CHSY1: variants seen among roughly 807,000 people sequenced by gnomAD.
CHSY1 encodes the protein N-acetylgalactosaminyl-proteoglycan 3-beta-glucuronosyltransferase 1.
CHSY1 carries 13 observed loss-of-function variants against 59.8 expected under a neutral mutation model. That is an observed-to-expected ratio of 0.22 (90% CI 0.14 to 0.35). The LOEUF (loss-of-function observed/expected upper bound fraction) is 0.35. CHSY1 is among the 10% of genes least tolerant of loss of function. The probability of loss-of-function intolerance (pLI) is 1.00; values close to 1 mark genes in which losing one functional copy is unlikely to be tolerated. For missense variants in CHSY1, 947 were observed against 1,030.6 expected, an observed-to-expected ratio of 0.92 and a Z score of 1.11; for synonymous variants, 459 against 401.2, an observed-to-expected ratio of 1.14 and a Z score of -1.72.
At chr15:101,243,118 C>A (rs1227619142) in intron 1 of CHSY1, among the ~76,000 whole-genome samples, 2 of 152,130 alleles carry the variant, frequency 1.3e-5, no homozygotes, top group Non-Finnish European at 2.9e-5. Flanking sequence ...GGGCACAAGC[C>A]CAGACGGCAT....
intron 2 of CHSY1, among the ~76,000 whole-genome samples, chr15:101,198,248 C>T (rs931039613): frequency 6.6e-5 from 10 of 152,072 alleles, no homozygotes; most frequent in South Asian, 2.1e-4. Flanking sequence ...CGCTACTGAC[C>T]GGTGAAGGAC....
chr15:101,183,975 G>A (rs977346301), intron 2 of CHSY1, among the ~76,000 whole-genome samples: 1 of 152,212 alleles, frequency 6.6e-6, no homozygotes, highest in African/African-American at 2.4e-5. Context: ...TATTTAAAGA[G>A]AAAATATATA....
In CHSY1 at chr15:101,177,781, T is replaced by C; in HGVS notation, c.2016A>G (p.Lys672=). ...AGGCAAAATGGTTGTCACTGGGAACTTTCCCACTATAAACAATCTTTGGGT... is the reference window on the plus strand; with the variant it reads ...AGGCAAAATGGTTGTCACTGGGAACCTTCCCACTATAAACAATCTTTGGGT... The part of the protein sequence containing the change: ...QYDPKIVYSG[K]VPSDNHFAFT... The change falls in exon 3 of 3, where the codon AAA becomes AAG. Residue 672 remains lysine, a synonymous_variant. Coordinates refer to ENST00000254190, the MANE Select transcript of CHSY1 (RefSeq NM_014918.5). 1 of 1,614,238 alleles carries C rather than the reference T, an allele frequency of 6.2e-7. No homozygotes were observed. The highest frequency in any genetic ancestry group is 1.1e-5 in the South Asian group (1 of 91,090).
At chr15:101,222,380 G>A (rs926001563) in intron 2 of CHSY1, among the ~76,000 whole-genome samples, 1 of 152,210 alleles carries the variant, frequency 6.6e-6, no homozygotes, top group African/African-American at 2.4e-5. Flanking sequence ...GAATTGTAAA[G>A]ATGGCAGAGA....
In CHSY1 at chr15:101,251,276, C is replaced by G; in HGVS notation, c.181G>C (p.Ala61Pro). 1 of 1,292,140 alleles carries G rather than the reference C, an allele frequency of 7.7e-7. No homozygotes were observed. The highest frequency in any genetic ancestry group is 3.3e-5 in the East Asian group (1 of 29,978). 80.0% of individuals were successfully genotyped at this position (1,292,140 alleles called of 1,614,324 possible). A position where few individuals can be genotyped will look rare whatever the true frequency, so the allele number is the denominator to read the frequency against. ...TGCGCCCCGCGCGCATCGCCGCGCG[C>G]CCCGCCGGCCTGGGAAGCCGCCGCC... is the stretch of plus-strand genomic sequence containing the variant. ...GQAAASQAGG[A>P]RGDARGAQLW... Residue 61 changes from alanine (A) to proline (P), a missense_variant, in exon 1 of 3, where the codon GCG becomes CCG. Around this residue, in one of 4 missense-constraint regions of CHSY1, gnomAD observed 232 missense variants for 188.5 expected, o/e 1.23. Transcript: ENST00000254190.
At chr15:101,233,441 C>A (rs948811436) in intron 2 of CHSY1, among the ~76,000 whole-genome samples, 6 of 152,228 alleles carry the variant, frequency 3.9e-5, no homozygotes, top group Non-Finnish European at 8.8e-5. Flanking sequence ...CCAAAATATA[C>A]AATGTGTTAC....
At chr15:101,237,262 G>A (rs1483686481) in intron 1 of CHSY1, among the ~76,000 whole-genome samples, 1 of 148,866 alleles carries the variant, frequency 6.7e-6, no homozygotes. Context: ...AGGCAAATGT[G>A]CAAGGCCTGG....
At chr15:101,223,080 GC>G (rs777905406) in intron 2 of CHSY1, among the ~76,000 whole-genome samples, 1 of 152,138 alleles carries the variant, frequency 6.6e-6, no homozygotes, top group Non-Finnish European at 1.5e-5. Flanking sequence ...TTCAACCTCT[GC>G]CCCCCAGGTT....
At chr15:101,210,055 T>C (rs1011611805) in intron 2 of CHSY1, among the ~76,000 whole-genome samples, 6 of 152,220 alleles carry the variant, frequency 3.9e-5, no homozygotes, top group African/African-American at 1.4e-4. Flanking sequence ...GCCTACTGAT[T>C]AACCTTGGTA....
At chr15:101,220,912 C>T (rs1567100722) in intron 2 of CHSY1, among the ~76,000 whole-genome samples, 3 of 152,184 alleles carry the variant, frequency 2.0e-5, no homozygotes, top group Admixed American at 2.0e-4. Flanking sequence ...GGACGAGCAG[C>T]CCCGTCCCTC....
intron 1 of CHSY1, among the ~76,000 whole-genome samples, chr15:101,246,463 A>G (rs1236861424): frequency 6.6e-6 from 1 of 152,078 alleles, no homozygotes; most frequent in East Asian, 1.9e-4. Context: ...AAGCAGATGA[A>G]TAACAAAGGG....
chr15:101,243,741 A>G (rs576203061), intron 1 of CHSY1, among the ~76,000 whole-genome samples: 2 of 152,374 alleles, frequency 1.3e-5, no homozygotes, highest in South Asian at 2.1e-4. Flanking sequence ...CTGCCGGTCA[A>G]GGACAACTTT....
chr15:101,206,996 G>A (rs1331621408), intron 2 of CHSY1, among the ~76,000 whole-genome samples: 3 of 152,174 alleles, frequency 2.0e-5, no homozygotes, highest in Non-Finnish European at 2.9e-5. Flanking sequence ...CCACTCTCGC[G>A]TGTCAGCACA....
Position 101,203,685 on chromosome 15 carries a change from T to C in CHSY1, c.817-24705A>G, listed in dbSNP as rs115829324. Among the ~76,000 whole-genome samples, 296 of 152,336 alleles carry C rather than the reference T, an allele frequency of 1.9e-3. 1 individual carries two copies. Among genetic ancestry groups the C allele is most frequent in the African/African-American group, 6.8e-3 (282 of 41,578 alleles). On this transcript the variant is annotated intron_variant, in intron 2 of 2. Transcript: ENST00000254190. Reference sequence around the variant, plus strand: ...GAGATCAAAGTTAACACTGCCTGTATGGATCATACACCGAAATCATGTGCT... The same window carrying C: ...GAGATCAAAGTTAACACTGCCTGTACGGATCATACACCGAAATCATGTGCT...
At chr15:101,194,889 C>A (rs2038487984) in intron 2 of CHSY1, among the ~76,000 whole-genome samples, 1 of 152,120 alleles carries the variant, frequency 6.6e-6, no homozygotes, top group African/African-American at 2.4e-5. Flanking sequence ...ACTTCTGATG[C>A]CAAGAAGATA....
intron 2 of CHSY1, among the ~76,000 whole-genome samples, chr15:101,201,929 A>C (rs147557236): frequency 1.5e-3 from 222 of 152,316 alleles, no homozygotes; most frequent in African/African-American, 5.1e-3. Context: ...CCAGCCAGGG[A>C]AGGGCCCACT....
intron 2 of CHSY1, among the ~76,000 whole-genome samples, chr15:101,196,518 T>C (rs540040547): frequency 6.6e-6 from 1 of 152,262 alleles, no homozygotes; most frequent in Admixed American, 6.5e-5. Flanking sequence ...ACTGTTATTA[T>C]CTTAGGGTAT....
rs2038199986 is a variant in CHSY1 at position 101,177,062 on chromosome 15, A to T, written c.*326T>A. 1 of 218,060 alleles carries T rather than the reference A, an allele frequency of 4.6e-6. No individual in the cohort carries two copies. The highest frequency in any genetic ancestry group is 2.3e-5 in the African/African-American group (1 of 43,356). The allele number at this position is 218,060 out of a possible 1,614,324, so 13.5% of individuals were successfully genotyped here. A position where few individuals can be genotyped will look rare whatever the true frequency, so the allele number is the denominator to read the frequency against. On this transcript the variant is annotated 3_prime_UTR_variant, in exon 3 of 3. Coordinates refer to ENST00000254190, the MANE Select transcript of CHSY1 (RefSeq NM_014918.5). ...AGTTACAGTGTTTTGTTACAATAAT[A>T]CTTTGCAGGAATGTTCACGTTTTCT...
chr15:101,235,656 T>C, intron 1 of CHSY1, 79 bp from the exon 2 acceptor site: 2 of 1,464,408 alleles, frequency 1.4e-6, no homozygotes, highest in Non-Finnish European at 1.9e-6. Flanking sequence ...CTGCTCATCT[T>C]GTATCGCCGT....
Sources: gnomAD v4.1 joint callset for allele counts (sites outside exome capture counted in the v4.1 genomes callset) on GRCh38, gnomAD v4.1.1 for gene constraint, gnomAD v4.1.1 regional missense constraint, MANE v1.5 for transcripts, NCBI Gene and HGNC (gene_info 2026-07-23, HGNC 2026-07-21) for gene names.